Variants in IL1RAPL1 observed in about 807,000 individuals in gnomAD.
IL1RAPL1 encodes the protein interleukin 1 receptor accessory protein like 1.
A neutral mutation model predicts 48.4 loss-of-function variants in IL1RAPL1; 3 were observed. That is an observed-to-expected ratio of 0.06 (90% CI 0.03 to 0.16). The LOEUF (loss-of-function observed/expected upper bound fraction) is 0.16, where lower values mean the gene tolerates loss of function less well. Ranked by LOEUF, IL1RAPL1 falls within the 10% of genes least tolerant of loss-of-function variation. The pLI is 1.00. For missense variants in IL1RAPL1, 349 were observed against 530.6 expected (o/e 0.66, Z 3.36); for synonymous variants, 185 against 187.7 (o/e 0.99, Z 0.12).
intron 5 of IL1RAPL1, among the ~76,000 whole-genome samples, chrX:29,604,993 G>A (rs781070403): frequency 1.9e-5 from 2 of 107,663 alleles, no homozygotes; most frequent in South Asian, 8.5e-4. Flanking sequence ...GAATGGATAC[G>A]TATTACAGTT....
Position 29,856,444 on chromosome X carries a change from G to T in IL1RAPL1, c.779-61020G>T, listed in dbSNP as rs371329597. Among the ~76,000 whole-genome samples, 20 of 112,073 alleles carry T rather than the reference G, an allele frequency of 1.8e-4. No individual in the cohort carries two copies. In the East Asian group the frequency reaches 5.0e-3, roughly 28 times the overall value. On this transcript the variant is annotated intron_variant, in intron 6 of 10. Transcript: ENST00000378993. ...CATGTATTACATAGCATCCAAGAGAGTTCAGTGGCAGCATCACATAACGAA... is the reference window on the plus strand; with the variant it reads ...CATGTATTACATAGCATCCAAGAGATTTCAGTGGCAGCATCACATAACGAA...
At chrX:28,627,689 A>C (rs981885798) in intron 1 of IL1RAPL1, among the ~76,000 whole-genome samples, 3 of 111,696 alleles carry the variant, frequency 2.7e-5, no homozygotes, top group African/African-American at 9.8e-5. Flanking sequence ...ACATTTAATA[A>C]TTTCCTTGTC....
At chrX:29,401,560 C>T in intron 5 of IL1RAPL1, among the ~76,000 whole-genome samples, 1 of 110,438 alleles carries the variant, frequency 9.1e-6, no homozygotes, top group Non-Finnish European at 1.9e-5. Context: ...GATAAGGAAT[C>T]ACTGTTTTTT....
chrX:29,865,636 C>CTTTTTTTTT (rs1171882981), intron 6 of IL1RAPL1, among the ~76,000 whole-genome samples: 37 of 76,331 alleles, frequency 4.8e-4, no homozygotes, highest in African/African-American at 7.6e-4. Context: ...CTTTTCTTTT[C>CTTTTTTTTT]TTTTTTTTTT....
intron 1 of IL1RAPL1, among the ~76,000 whole-genome samples, chrX:28,676,643 G>A (rs772242121): frequency 9.2e-5 from 10 of 109,104 alleles, no homozygotes; most frequent in South Asian, 4.0e-4. Context: ...TGAGGCAGGA[G>A]AATCGCTTGA....
intron 2 of IL1RAPL1, among the ~76,000 whole-genome samples, chrX:28,869,877 C>G (rs1922166478): frequency 9.0e-6 from 1 of 111,500 alleles, no homozygotes; most frequent in Non-Finnish European, 1.9e-5. Context: ...TTCCTGTATC[C>G]ACTATACCTA....
intron 2 of IL1RAPL1, among the ~76,000 whole-genome samples, chrX:29,279,131 A>C (rs1232804567): frequency 8.9e-6 from 1 of 112,494 alleles, no homozygotes; most frequent in Non-Finnish European, 1.9e-5. Flanking sequence ...ACATAGGTCC[A>C]TCATTTGTTT....
At chrX:28,959,144 C>T (rs1325466108) in intron 2 of IL1RAPL1, among the ~76,000 whole-genome samples, 1 of 110,924 alleles carries the variant, frequency 9.0e-6, no homozygotes, top group Non-Finnish European at 1.9e-5. Context: ...CTTACTACCC[C>T]GATATTTGTT....
chrX:29,323,732 T>TAATATATATATATATA (rs1932822685), intron 3 of IL1RAPL1, among the ~76,000 whole-genome samples: 2 of 6,264 alleles, frequency 3.2e-4, no homozygotes, highest in African/African-American at 1.8e-3. Context: ...TATATATATA[T>TAATATATATATATATA]ATATATATAT....
intron 2 of IL1RAPL1, among the ~76,000 whole-genome samples, chrX:28,991,982 C>T (rs1235933130): frequency 9.0e-6 from 1 of 111,655 alleles, no homozygotes; most frequent in African/African-American, 3.3e-5. Context: ...GGTTCTCTTT[C>T]AGTCAAATCT....
intron 1 of IL1RAPL1, among the ~76,000 whole-genome samples, chrX:28,701,788 T>G: frequency 9.0e-6 from 1 of 111,229 alleles, no homozygotes; most frequent in South Asian, 3.8e-4. Flanking sequence ...ATCTTGTTAC[T>G]TTTCTACAGA....
chrX:29,680,316 G>A (rs934698558), intron 6 of IL1RAPL1, among the ~76,000 whole-genome samples: 3 of 111,676 alleles, frequency 2.7e-5, no homozygotes, highest in African/African-American at 6.5e-5. Context: ...ACAGGGTGAA[G>A]GAATACGTTG....
intron 5 of IL1RAPL1, among the ~76,000 whole-genome samples, chrX:29,619,296 C>A (rs1924388859): frequency 9.0e-6 from 1 of 111,453 alleles, no homozygotes; most frequent in Non-Finnish European, 1.9e-5. Context: ...ATTACAGTAA[C>A]TATTCTTAGC....
At chrX:29,131,272 G>GTATATATA (rs768066160) in intron 2 of IL1RAPL1, among the ~76,000 whole-genome samples, 22 of 80,724 alleles carry the variant, frequency 2.7e-4, no homozygotes, top group African/African-American at 7.5e-4. Flanking sequence ...CTGTGTGTGT[G>GTATATATA]TGTATATATA....
At chrX:29,070,210 G>T (rs941236765) in intron 2 of IL1RAPL1, among the ~76,000 whole-genome samples, 5 of 111,385 alleles carry the variant, frequency 4.5e-5, no homozygotes, top group Non-Finnish European at 9.4e-5. Context: ...TTTTCATTTT[G>T]ACATCCTACT....
intron 5 of IL1RAPL1, among the ~76,000 whole-genome samples, chrX:29,593,932 A>G (rs976306319): frequency 3.6e-5 from 4 of 111,840 alleles, no homozygotes; most frequent in African/African-American, 9.7e-5. Flanking sequence ...CAATGAGAGA[A>G]CATTGTTCAC....
At chrX:28,629,356 C>T (rs901566564) in intron 1 of IL1RAPL1, among the ~76,000 whole-genome samples, 1 of 111,536 alleles carries the variant, frequency 9.0e-6, no homozygotes. Flanking sequence ...ATGGGAAACT[C>T]ACTATACCTA....
Position 29,903,206 on chromosome X carries a change from C to G in IL1RAPL1, c.779-14258C>G, listed in dbSNP as rs12862483. 3.2e-4 allele frequency among the ~76,000 whole-genome samples: 30 copies of G among 94,736 alleles called. No homozygotes were observed. In the South Asian group the frequency reaches 8.9e-3, roughly 28 times the overall value. 82.3% of individuals were successfully genotyped at this position (94,736 alleles called of 115,157 possible). On this transcript the variant is annotated intron_variant, in intron 6 of 10. Coordinates refer to ENST00000378993, the MANE Select transcript of IL1RAPL1 (RefSeq NM_014271.4). ...TGTGAGAGAGAGAGAGAGAGAGAGA[C>G]AAAGAAATTCTTCTCTTTTTTCATT... is the stretch of plus-strand genomic sequence containing the variant.
chrX:28,671,799 G>A (rs1934948782), intron 1 of IL1RAPL1, among the ~76,000 whole-genome samples: 1 of 111,975 alleles, frequency 8.9e-6, no homozygotes, highest in South Asian at 3.7e-4. Context: ...ATTGAAACCA[G>A]TAGGTCCGCA....
Sources: gnomAD v4.1 joint callset for allele counts (sites outside exome capture counted in the v4.1 genomes callset) on GRCh38, gnomAD v4.1.1 for gene constraint, MANE v1.5 for transcripts, NCBI Gene and HGNC (gene_info 2026-07-23, HGNC 2026-07-21) for gene names.